FAM219A: variants seen among roughly 807,000 people sequenced by gnomAD.
The protein encoded by FAM219A is family with sequence similarity 219 member A.
In FAM219A, 7 loss-of-function variants were observed where a neutral mutation model predicts 23.4. The ratio of observed to expected loss-of-function variants is 0.30; its 90% CI spans 0.17 to 0.56. The LOEUF (loss-of-function observed/expected upper bound fraction) is 0.56, where lower values mean the gene tolerates loss of function less well. Ranked by LOEUF, FAM219A falls within the 20% of genes least tolerant of loss-of-function variation. The probability of loss-of-function intolerance (pLI) is 0.92; values close to 1 mark genes in which losing one functional copy is unlikely to be tolerated. For synonymous variants in FAM219A, 93 were observed against 99.0 expected (o/e 0.94, Z 0.36); for missense variants, 166 against 246.9 (o/e 0.67, Z 2.20).
intron 1 of FAM219A, among the ~76,000 whole-genome samples, chr9:34,449,543 T>A (rs1823489808): frequency 6.6e-6 from 1 of 152,168 alleles, no homozygotes; most frequent in African/African-American, 2.4e-5. Flanking sequence ...ATCAGCAACA[T>A]CCCATTAGAC....
At chr9:34,414,792 C>T (rs1821940076) in intron 1 of FAM219A, among the ~76,000 whole-genome samples, 1 of 152,236 alleles carries the variant, frequency 6.6e-6, no homozygotes, top group Non-Finnish European at 1.5e-5. Context: ...CAGTCTAAAT[C>T]TCCCAAATCT....
intron 1 of FAM219A, among the ~76,000 whole-genome samples, chr9:34,406,767 A>T: frequency 6.6e-6 from 1 of 150,494 alleles, no homozygotes; most frequent in African/African-American, 2.5e-5. Context: ...CACTTCACTA[A>T]TCTCTAATTG....
chr9:34,436,095 G>A (rs114851487), intron 1 of FAM219A, among the ~76,000 whole-genome samples: 1,637 of 152,092 alleles, frequency 0.011, 30 homozygotes, highest in African/African-American at 0.037. Context: ...ATGAGCTGCC[G>A]TGCCCAGCCT....
intron 1 of FAM219A, among the ~76,000 whole-genome samples, chr9:34,454,585 A>G (rs1025924224): frequency 8.6e-5 from 13 of 151,792 alleles, no homozygotes; most frequent in African/African-American, 2.9e-4. Context: ...TTTCAGGCAA[A>G]CTCCCACCAG....
chr9:34,430,108 G>T (rs1022340291), intron 1 of FAM219A, among the ~76,000 whole-genome samples: 3 of 152,150 alleles, frequency 2.0e-5, no homozygotes, highest in South Asian at 2.1e-4. Flanking sequence ...AGACATGTGT[G>T]GGGGGAGGTA....
At chr9:34,439,581 A>T (rs1253839018) in intron 1 of FAM219A, among the ~76,000 whole-genome samples, 2 of 152,264 alleles carry the variant, frequency 1.3e-5, no homozygotes, top group East Asian at 3.9e-4. Context: ...TCTGTGATGA[A>T]ACTATAGCTG....
At chr9:34,410,964 T>C (rs1394843853) in intron 1 of FAM219A, among the ~76,000 whole-genome samples, 1 of 152,206 alleles carries the variant, frequency 6.6e-6, no homozygotes, top group East Asian at 1.9e-4. Flanking sequence ...TAGCATAGTA[T>C]ACCCTTAGCA....
intron 1 of FAM219A, among the ~76,000 whole-genome samples, chr9:34,435,286 TG>T (rs1394224114): frequency 2.0e-5 from 3 of 152,194 alleles, no homozygotes; most frequent in Non-Finnish European, 4.4e-5. Context: ...CACAGGTCTC[TG>T]GCAGCATTTC....
intron 1 of FAM219A, chr9:34,406,209 T>C (rs1343762206): frequency 1.1e-5 from 9 of 837,582 alleles, no homozygotes; most frequent in African/African-American, 1.8e-5. Context: ...GTCCTCAAAG[T>C]CCTGTGTGGT....
chr9:34,455,612 A>G (rs565032634), intron 1 of FAM219A, among the ~76,000 whole-genome samples: 1 of 151,992 alleles, frequency 6.6e-6, no homozygotes, highest in African/African-American at 2.4e-5. Flanking sequence ...TACTACAGGC[A>G]TGCAGCACCA....
chr9:34,442,498 A>G (rs1823213518), intron 1 of FAM219A, among the ~76,000 whole-genome samples: 1 of 152,180 alleles, frequency 6.6e-6, no homozygotes. Context: ...CAGCCTGGAA[A>G]ACATGGCAAA....
At chr9:34,439,801 G>A (rs905162459) in intron 1 of FAM219A, among the ~76,000 whole-genome samples, 2 of 152,156 alleles carry the variant, frequency 1.3e-5, no homozygotes, top group African/African-American at 2.4e-5. Flanking sequence ...GAAGGCAGGA[G>A]CCAGATCACA....
chr9:34,420,810 C>G (rs1390793968), intron 1 of FAM219A, among the ~76,000 whole-genome samples: 2 of 151,470 alleles, frequency 1.3e-5, no homozygotes, highest in African/African-American at 2.4e-5. Context: ...GACCCCATCT[C>G]TACAAAAAAG....
intron 1 of FAM219A, among the ~76,000 whole-genome samples, chr9:34,427,236 A>G (rs1312396879): frequency 6.6e-6 from 1 of 151,758 alleles, no homozygotes; most frequent in Non-Finnish European, 1.5e-5. Flanking sequence ...CAGTGGCGCA[A>G]TCTCGGCTCA....
In FAM219A at chr9:34,421,007, TGTGAGAGAGA is replaced by T. The variant is rs1471954052; in HGVS notation, c.61-15053_61-15044del. 5.2e-5 allele frequency among the ~76,000 whole-genome samples: 4 copies of T among 76,794 alleles called. No individual in the cohort carries two copies. The East Asian group carries it at 1.0e-3, about 20-fold the overall frequency. The allele number at this position is 76,794 out of a possible 152,430, so 50.4% of individuals were successfully genotyped here. A position where few individuals can be genotyped will look rare whatever the true frequency, so the allele number is the denominator to read the frequency against. Reference sequence around the variant, plus strand: ...GTGTGTGTGTATGTGTGTGTGTGTGTGTGAGAGAGAGAGAGAGAGAGAGAGAGAGAGAGAG... The same window carrying T: ...GTGTGTGTGTATGTGTGTGTGTGTGTGAGAGAGAGAGAGAGAGAGAGAGAG... On this transcript the variant is annotated intron_variant, in intron 1 of 5. Coordinates refer to ENST00000651358, the MANE Select transcript of FAM219A (RefSeq NM_001184940.2).
At chr9:34,454,746 C>T (rs1823672705) in intron 1 of FAM219A, among the ~76,000 whole-genome samples, 1 of 152,170 alleles carries the variant, frequency 6.6e-6, no homozygotes, top group African/African-American at 2.4e-5. Context: ...CCAGTTCTGC[C>T]ACGCCCCCAG....
In FAM219A at chr9:34,436,955, G is replaced by A. The variant is rs1035136447; in HGVS notation, c.60+21249C>T. Among the ~76,000 whole-genome samples, 5 of 152,264 alleles carry A rather than the reference G, an allele frequency of 3.3e-5. No individual in the cohort carries two copies. In the East Asian group the frequency reaches 7.7e-4, roughly 23 times the overall value. ...CTGGTTTTTGTTTGTTTGTTTTTAT[G>A]TTGCTCTCTCCTCATTTACTTTTTG... On this transcript the variant is annotated intron_variant, in intron 1 of 5. Coordinates refer to ENST00000651358, the MANE Select transcript of FAM219A (RefSeq NM_001184940.2).
intron 2 of FAM219A, 78 bp from the exon 3 acceptor site, chr9:34,402,885 G>T: frequency 7.5e-7 from 1 of 1,331,700 alleles, no homozygotes; most frequent in African/African-American, 1.4e-5. Context: ...AGCCTGGGCT[G>T]GGCCTCCACT....
intron 1 of FAM219A, among the ~76,000 whole-genome samples, chr9:34,439,052 G>C (rs920424602): frequency 2.0e-5 from 3 of 151,678 alleles, no homozygotes; most frequent in African/African-American, 4.8e-5. Context: ...GCTGCCTTAA[G>C]AGCTGTAACA....
Sources: allele counts gnomAD v4.1 joint callset (sites outside exome capture counted in the v4.1 genomes callset), GRCh38; gene constraint gnomAD v4.1.1; transcripts MANE v1.5; gene names NCBI Gene and HGNC (gene_info 2026-07-23, HGNC 2026-07-21).